IL7: variants seen among roughly 807,000 people sequenced by gnomAD.
IL7 encodes the protein interleukin-7.
Under a neutral mutation model 21.6 loss-of-function variants are expected in IL7, and 3 were observed. The ratio of observed to expected loss-of-function variants is 0.14; its 90% confidence interval spans 0.06 to 0.36. The LOEUF is 0.36. IL7 is among the 10% of genes least tolerant of loss of function. IL7 has a pLI of 1.00. For missense variants in IL7, 175 were observed against 200.2 expected (o/e 0.87, Z 0.76); for synonymous variants, 62 against 68.1 (o/e 0.91, Z 0.44).
chr8:78,769,089 C>A (rs1452705351), intron 2 of IL7, among the ~76,000 whole-genome samples: 2 of 152,040 alleles, frequency 1.3e-5, no homozygotes, highest in African/African-American at 2.4e-5. Flanking sequence ...ACTGAATGGG[C>A]AAAAACTGGA....
At chr8:78,768,753 T>C (rs1220783240) in intron 2 of IL7, among the ~76,000 whole-genome samples, 1 of 152,088 alleles carries the variant, frequency 6.6e-6, no homozygotes, top group Non-Finnish European at 1.5e-5. Context: ...TTTCTTTTGC[T>C]GTGCAGAAGC....
chr8:78,729,901 T>C (rs1811394974), downstream of IL7, among the ~76,000 whole-genome samples: 1 of 151,994 alleles, frequency 6.6e-6, no homozygotes, highest in Non-Finnish European at 1.5e-5. Flanking sequence ...CTCCCAGAGA[T>C]AACAGGTGGT....
chr8:78,775,713 C>G (rs1813110671), intron 2 of IL7, among the ~76,000 whole-genome samples: 1 of 151,890 alleles, frequency 6.6e-6, no homozygotes, highest in Non-Finnish European at 1.5e-5. Context: ...TTCTCATAAG[C>G]AAAATGAGTA....
chr8:78,779,085 A>C (rs1813228111), intron 2 of IL7, among the ~76,000 whole-genome samples: 1 of 152,110 alleles, frequency 6.6e-6, no homozygotes, highest in Non-Finnish European at 1.5e-5. Flanking sequence ...ATTTTTGCAC[A>C]TTGATTTTGT....
At chr8:78,791,700 A>T (rs941843875) in intron 2 of IL7, among the ~76,000 whole-genome samples, 4 of 152,118 alleles carry the variant, frequency 2.6e-5, no homozygotes, top group African/African-American at 9.7e-5. Flanking sequence ...AATGATGAGC[A>T]TATCATCAAA....
In IL7 at chr8:78,784,303, C is replaced by T. The variant is rs768380466; in HGVS notation, c.147+13769G>A. ...AGTCCACAACCTGGAAGAGGTCCTT[C>T]ACCAGAACCCAACCATATGCCACCC... is the stretch of plus-strand genomic sequence containing the variant. On this transcript the variant is annotated intron_variant, in intron 2 of 5. Coordinates refer to ENST00000263851, the MANE Select transcript of IL7 (RefSeq NM_000880.4). Among the ~76,000 whole-genome samples, 54 of 152,128 alleles carry T rather than the reference C, an allele frequency of 3.5e-4. 1 individual carries two copies. Among genetic ancestry groups the T allele is most frequent in the Non-Finnish European group, 4.4e-5 (3 of 68,024 alleles).
chr8:78,759,211 G>T (rs1812459051), intron 2 of IL7, among the ~76,000 whole-genome samples: 1 of 127,512 alleles, frequency 7.8e-6, no homozygotes. Context: ...GATTTCTGCT[G>T]GGTTCTTTTT....
intron 3 of IL7, among the ~76,000 whole-genome samples, chr8:78,701,134 T>G (rs1810589204): frequency 6.6e-6 from 1 of 152,230 alleles, no homozygotes; most frequent in African/African-American, 2.4e-5. Context: ...GCATGGAATA[T>G]TTTTTCATTT....
intron 2 of IL7, among the ~76,000 whole-genome samples, chr8:78,771,339 A>T (rs1278091703): frequency 6.6e-6 from 1 of 152,096 alleles, no homozygotes; most frequent in Admixed American, 6.6e-5. Flanking sequence ...CATCTCTCTG[A>T]CCAAAGCAAC....
chr8:78,675,972 A>G, exon 5 of IL7: 8 of 881,114 alleles, frequency 9.1e-6, no homozygotes, highest in Non-Finnish European at 7.2e-6. Context: ...TTGAAGAGTT[A>G]ATGGGTACTA....
At chr8:78,767,250 T>C (rs554977528) in intron 2 of IL7, among the ~76,000 whole-genome samples, 2 of 151,984 alleles carry the variant, frequency 1.3e-5, no homozygotes, top group African/African-American at 2.4e-5. Flanking sequence ...TTATCTCTTA[T>C]ATAGTGCATA....
At chr8:78,761,302 C>G in intron 2 of IL7, 1 of 1,611,448 alleles carries the variant, frequency 6.2e-7, no homozygotes, top group Non-Finnish European at 8.5e-7. Flanking sequence ...CAGATACTCC[C>G]ATAACAGGTA....
At chr8:78,756,939 A>T (rs1268138189) in intron 2 of IL7, among the ~76,000 whole-genome samples, 1 of 150,828 alleles carries the variant, frequency 6.6e-6, no homozygotes, top group East Asian at 1.9e-4. Context: ...TTGGGCTTGG[A>T]TCCCTCTTGC....
downstream of IL7, chr8:78,675,607 A>T: frequency 1.9e-6 from 1 of 533,184 alleles, no homozygotes; most frequent in Non-Finnish European, 3.3e-6. Flanking sequence ...GACCTTTTTC[A>T]CCACTGATAA....
chr8:78,794,805 C>T (rs1813801122), intron 2 of IL7, among the ~76,000 whole-genome samples: 1 of 152,068 alleles, frequency 6.6e-6, no homozygotes, highest in Admixed American at 6.6e-5. Context: ...AAAACTGTAA[C>T]TTGCATTATT....
intron 3 of IL7, among the ~76,000 whole-genome samples, chr8:78,708,163 C>T (rs1810838013): frequency 6.6e-6 from 1 of 152,092 alleles, no homozygotes; most frequent in Non-Finnish European, 1.5e-5. Flanking sequence ...TGAATTAAGA[C>T]ATTTGGTCAG....
chr8:78,714,665 C>T (rs890568021), downstream of IL7, among the ~76,000 whole-genome samples: 2 of 152,108 alleles, frequency 1.3e-5, no homozygotes, highest in African/African-American at 4.8e-5. Flanking sequence ...AACCAGAAGT[C>T]CCTCTGATTT....
chr8:78,727,814 T>C (rs969224582), downstream of IL7, among the ~76,000 whole-genome samples: 1 of 151,924 alleles, frequency 6.6e-6, no homozygotes, highest in Non-Finnish European at 1.5e-5. Flanking sequence ...TTCAGAAGGT[T>C]CTATGTTCAC....
rs1254924926 is a variant in IL7 at position 78,805,414 on chromosome 8, T to G, written c.-492A>C. 6.5e-6 allele frequency: 1 copy of G among 153,128 alleles called. No individual in the cohort carries two copies. Among genetic ancestry groups the G allele is most frequent in the Non-Finnish European group, 1.5e-5 (1 of 68,656 alleles). The allele number at this position is 153,128 out of a possible 1,614,324, so 9.5% of individuals were successfully genotyped here. ...CAACGCCTTGGCAACGCTTGGCGAC[T>G]GGGAGCTAGAACCATGAGTTGTTAA... is the stretch of plus-strand genomic sequence containing the variant. On this transcript the variant is annotated 5_prime_UTR_variant, in exon 1 of 6. Transcript: ENST00000263851.
Sources: allele counts gnomAD v4.1 joint callset (sites outside exome capture counted in the v4.1 genomes callset), GRCh38; gene constraint gnomAD v4.1.1; transcripts MANE v1.5; gene names NCBI Gene and HGNC (gene_info 2026-07-23, HGNC 2026-07-21).